Variants in ITGB4 observed in about 807,000 individuals in gnomAD.
ITGB4 encodes the protein integrin subunit beta 4, also known as integrin beta-4.
Under a neutral mutation model 207.6 loss-of-function variants are expected in ITGB4, and 159 were observed. The observed-to-expected ratio is 0.77, with a 90% CI of 0.67 to 0.87. ITGB4 has a LOEUF of 0.87. Ranked by LOEUF, ITGB4 falls within the 40% of genes least tolerant of loss-of-function variation. The probability of loss-of-function intolerance (pLI) is 0.00; values close to 1 mark genes in which losing one functional copy is unlikely to be tolerated. For synonymous variants in ITGB4, 1,020 were observed against 1,062.7 expected (o/e 0.96, Z 0.78); for missense variants, 2,278 against 2,546.8 (o/e 0.89, Z 2.27).
Position 75,739,694 on chromosome 17 carries a change from G to A in ITGB4, c.2243G>A (p.Cys748Tyr). The change falls in exon 19 of 40, where the codon TGC (cysteine) becomes TAC (tyrosine). Residue 748 changes from cysteine (C) to tyrosine (Y), a missense_variant. Physicochemically the swap from Cys to Tyr is radical, Grantham distance 194. Transcript: ENST00000200181. The surrounding 1 kb of genome is among the most constrained non-coding windows in gnomAD (Gnocchi z 5.4). ...CCKACLALLP[C>Y]CNRGHMVGFK... The stretch of plus-strand genomic sequence containing the variant: ...TAGGCCTGCCTGGCACTTCTCCCGT[G>A]CTGCAACCGAGGTATGGGCCTGGCA... 6.2e-7 allele frequency: 1 copy of A among 1,614,126 alleles called. No homozygotes were observed. The highest frequency in any genetic ancestry group is 8.5e-7 in the Non-Finnish European group (1 of 1,180,020).
rs748919999 is a variant in ITGB4 at position 75,757,193 on chromosome 17, A to T, written c.5219-7A>T. 5.0e-6 allele frequency: 8 copies of T among 1,610,612 alleles called. No individual in the cohort carries two copies. Among genetic ancestry groups the T allele is most frequent in the Non-Finnish European group, 6.8e-6 (8 of 1,179,572 alleles). On this transcript the variant is annotated splice_polypyrimidine_tract_variant and splice_region_variant and intron_variant, in intron 38 of 39. Coordinates refer to ENST00000200181, the MANE Select transcript of ITGB4 (RefSeq NM_000213.5). Reference sequence around the variant, plus strand: ...CACCCTCTGACTGGCCTATCTGCCCACCCCAGGACCCTTCCCGCAGCTGGG... The same window carrying T: ...CACCCTCTGACTGGCCTATCTGCCCTCCCCAGGACCCTTCCCGCAGCTGGG...
In ITGB4 at chr17:75,739,955, C is replaced by T; in HGVS notation, c.2330C>T (p.Pro777Leu). 1 of 1,613,252 alleles carries T rather than the reference C, an allele frequency of 6.2e-7. No individual in the cohort carries two copies. Among genetic ancestry groups the T allele is most frequent in the South Asian group, 1.1e-5 (1 of 91,084 alleles). The change falls in exon 20 of 40, where the codon CCC (proline) becomes CTC (leucine). Residue 777 changes from proline (P) to leucine (L), a missense_variant. Transcript: ENST00000200181. The surrounding 1 kb of genome is among the most constrained non-coding windows in gnomAD (Gnocchi z 5.4). Reference sequence around the variant, plus strand: ...ATGGCCTCTGACCACTTGGACACGCCCATGCTGCGCAGCGGGAACCTCAAG... The same window carrying T: ...ATGGCCTCTGACCACTTGGACACGCTCATGCTGCGCAGCGGGAACCTCAAG... ...NLMASDHLDTPMLRSGNLKGR... is the reference protein window; with the variant it reads ...NLMASDHLDTLMLRSGNLKGR...
chr17:75,750,771 A>G lies in ITGB4; in HGVS notation c.3566A>G (p.Tyr1189Cys). 1.9e-6 allele frequency: 3 copies of G among 1,613,584 alleles called. No individual in the cohort carries two copies. The highest frequency in any genetic ancestry group is 2.5e-6 in the Non-Finnish European group (3 of 1,180,016). ...GTGGAGCTCACCAACCTGTACCCGT[A>G]TTGCGACTATGAGATGAAGGTGTGC... ...PSVELTNLYP[Y>C]CDYEMKVCAY... Residue 1189 changes from tyrosine (Y) to cysteine (C), a missense_variant, in exon 29 of 40, where the codon TAT becomes TGT. Physicochemically the swap from Tyr to Cys is radical, Grantham distance 194 (BLOSUM62 -2). Transcript: ENST00000200181. This position sits in a 1 kb window ranked among gnomAD's most constrained non-coding sequence, Gnocchi z 5.5.
In ITGB4 at chr17:75,732,380, G is replaced by A. The variant is rs76945691; in HGVS notation, c.1454+141G>A. 6.6e-4 allele frequency: 513 copies of A among 782,500 alleles called. 1 individual carries two copies. The African/African-American group carries it at 7.5e-3, about 11-fold the overall frequency. 48.5% of individuals were successfully genotyped at this position (782,500 alleles called of 1,614,324 possible). On this transcript the variant is annotated intron_variant, in intron 12 of 39. Coordinates refer to ENST00000200181, the MANE Select transcript of ITGB4 (RefSeq NM_000213.5). The surrounding 1 kb of genome is among the most constrained non-coding windows in gnomAD (Gnocchi z 5.3). ...GGCAATCAAAGAAACGGCTAAGGGC[G>A]GGGCACACCCAGTTGTTGGTCAAAC... is the stretch of plus-strand genomic sequence containing the variant.
chr17:75,739,721 CGCAGGGGCA>C lies in ITGB4; in HGVS notation c.2254+25_2254+33del, dbSNP rs1287778197. 6.2e-7 allele frequency: 1 copy of C among 1,614,060 alleles called. No homozygotes were observed. Among genetic ancestry groups the C allele is most frequent in the Non-Finnish European group, 8.5e-7 (1 of 1,179,994 alleles). ...TGCAACCGAGGTATGGGCCTGGCAT[CGCAGGGGCA>C]GCAGGGGCTCTGACTGCTCTTTCTC... On this transcript the variant is annotated intron_variant, in intron 19 of 39. Transcript: ENST00000200181. The surrounding 1 kb of genome is among the most constrained non-coding windows in gnomAD (Gnocchi z 5.4).
At position 75,752,223 on chromosome 17, in the gene ITGB4, G is replaced by A; in HGVS notation, c.3843G>A (p.Arg1281=). ...TGCTGGTTGACAACCCTAAGAACCG[G>A]ATGCTGCTTATTGAGAACCTTCGGG... ...KKVLVDNPKN[R]MLLIENLRES... Residue 1281 remains arginine, a synonymous_variant, in exon 31 of 40, where the codon CGG becomes CGA. Transcript: ENST00000200181. 1.2e-6 allele frequency: 2 copies of A among 1,613,926 alleles called. No homozygotes were observed. Among genetic ancestry groups the A allele is most frequent in the Non-Finnish European group, 1.7e-6 (2 of 1,180,026 alleles).
At chr17:75,751,996 C>G in intron 30 of ITGB4, 178 bp from the exon 31 acceptor site, 1 of 763,962 alleles carries the variant, frequency 1.3e-6, no homozygotes, top group Admixed American at 1.8e-5. Flanking sequence ...TATGTCCACG[C>G]CAGTCATGCT....
intron 12 of ITGB4, 46 bp from the exon 13 acceptor site, chr17:75,733,444 G>A: frequency 6.5e-7 from 1 of 1,530,720 alleles, no homozygotes; most frequent in Non-Finnish European, 9.0e-7. Context: ...AAAAGCCCCA[G>A]CTTTCCTCCT....
At chr17:75,755,035 CTTGTT>C (rs754712122) in intron 34 of ITGB4, 100 of 1,588,920 alleles carry the variant, frequency 6.3e-5, no homozygotes, top group Non-Finnish European at 8.1e-5. Flanking sequence ...TCCTCTCACT[CTTGTT>C]TTGTCCTGCC....
intron 26 of ITGB4, among the ~76,000 whole-genome samples, chr17:75,747,868 T>C (rs561003907): frequency 1.3e-5 from 2 of 152,340 alleles, no homozygotes; most frequent in African/African-American, 4.8e-5. Flanking sequence ...GGCAGCTCCC[T>C]GGTTTGTTTT....
rs61735288 is a variant in ITGB4 at position 75,752,477 on chromosome 17, C to T, written c.4008C>T (p.Asp1336=). 5,333 of 1,613,638 alleles carry T rather than the reference C, an allele frequency of 3.3e-3. 10 individuals carry two copies. Among genetic ancestry groups the T allele is most frequent in the Non-Finnish European group, 3.7e-3 (4,365 of 1,180,020 alleles). ...TCATCCCTGACATCCCTATCGTGGA[C>T]GCCCAGAGCGGGGAGGACTACGACA... ...IPIIPDIPIV[D]AQSGEDYDSF... The change falls in exon 32 of 40, where the codon GAC becomes GAT. Residue 1336 remains aspartate (D), a synonymous_variant. Coordinates refer to ENST00000200181, the MANE Select transcript of ITGB4 (RefSeq NM_000213.5).
Position 75,754,583 on chromosome 17 carries a change from G to A in ITGB4, c.4326G>A (p.Leu1442=). The stretch of plus-strand genomic sequence containing the variant: ...CCTGCTCTCCCCCTGCAGAGCACCT[G>A]GTGAATGGCCGGATGGACTTTGCCT... ...SATPGPPGEH[L]VNGRMDFAFP... Residue 1442 remains leucine (L), a synonymous_variant, in exon 34 of 40, where the codon CTG becomes CTA. Transcript: ENST00000200181. 6.2e-7 allele frequency: 1 copy of A among 1,613,696 alleles called. No individual in the cohort carries two copies. Among genetic ancestry groups the A allele is most frequent in the Non-Finnish European group, 8.5e-7 (1 of 1,179,980 alleles).
chr17:75,724,843 C>T, intron 2 of ITGB4, 61 bp downstream of exon 2: 1 of 1,400,224 alleles, frequency 7.1e-7, no homozygotes, highest in East Asian at 2.3e-5. Flanking sequence ...CAGGCATTGC[C>T]CTTGCACGGG....
At position 75,731,903 on chromosome 17, in the gene ITGB4, T is replaced by C; in HGVS notation, c.1307T>C (p.Leu436Pro). ...LPEDQKGNIH[L>P]KPSFSDGLKM... ...GAGGACCAGAAGGGCAACATCCATC[T>C]GAAACCTTCCTTCTCCGACGGCCTC... The change falls in exon 11 of 40, where the codon CTG (leucine) becomes CCG (proline). Residue 436 changes from leucine (L) to proline (P), a missense_variant. Leu to Pro is a moderately conservative substitution (Grantham distance 98). Transcript: ENST00000200181. The surrounding 1 kb of genome is among the most constrained non-coding windows in gnomAD (Gnocchi z 6.8). 1 of 1,614,054 alleles carries C rather than the reference T, an allele frequency of 6.2e-7. No individual in the cohort carries two copies. Among genetic ancestry groups the C allele is most frequent in the Middle Eastern group, 1.6e-4 (1 of 6,062 alleles).
rs1265742417 is a variant in ITGB4, at chr17:75,737,405, C to T, written c.2074C>T (p.Pro692Ser). 1.3e-6 allele frequency: 2 copies of T among 1,562,212 alleles called. No homozygotes were observed. Among genetic ancestry groups the T allele is most frequent in the Non-Finnish European group, 1.7e-6 (2 of 1,153,248 alleles). The part of the protein sequence containing the change: ...YSYTMEGDGA[P>S]GPNSTVLVHK... ...CTACACCATGGAAGGTGACGGCGCC[C>T]CTGGGCCCAACAGCACTGTCCTGGT... is the stretch of plus-strand genomic sequence containing the variant. The change falls in exon 17 of 40, where the codon CCT (proline) becomes TCT (serine). Residue 692 changes from proline to serine, a missense_variant. Physicochemically the swap from Pro to Ser is moderately conservative, Grantham distance 74. Transcript: ENST00000200181.
Position 75,731,505 on chromosome 17 carries a change from C to A in ITGB4, c.1215+137C>A, listed in dbSNP as rs370373538. The A allele has an allele frequency of 2.3e-5, 21 of 931,602 alleles. No individual in the cohort carries two copies. The East Asian group carries it at 4.7e-4, about 21-fold the overall frequency. The allele number at this position is 931,602 out of a possible 1,614,324, so 57.7% of individuals were successfully genotyped here. On this transcript the variant is annotated intron_variant, in intron 10 of 39. Coordinates refer to ENST00000200181, the MANE Select transcript of ITGB4 (RefSeq NM_000213.5). This position sits in a 1 kb window ranked among gnomAD's most constrained non-coding sequence, Gnocchi z 6.8. ...GTGCAGATCCCTGGGCCTAGCCGCT[C>A]GGATGAGCCTAGGTTGCTCCTCTGC...
rs779693363 is a variant in ITGB4, at chr17:75,754,810, C to G, written c.4553C>G (p.Ser1518Cys). The change falls in exon 34 of 40, where the codon TCC (serine) becomes TGC (cysteine). Residue 1518 changes from serine to cysteine, a missense_variant. By Grantham distance (112) the Ser-to-Cys change is moderately radical. Coordinates refer to ENST00000200181, the MANE Select transcript of ITGB4 (RefSeq NM_000213.5). ...RDYSTLTSVS[S>C]HDSRLTAGVP... ...TACTCCACCCTCACCTCCGTCTCCT[C>G]CCACGGTGAGTGACCTCAGCCAACC... 5 of 1,614,084 alleles carry G rather than the reference C, an allele frequency of 3.1e-6. No homozygotes were observed. In the South Asian group the frequency reaches 5.5e-5, roughly 18 times the overall value.
chr17:75,756,246 A>T (rs1395027825), intron 35 of ITGB4, among the ~76,000 whole-genome samples, 183 bp from the exon 36 acceptor site: 1 of 151,930 alleles, frequency 6.6e-6, no homozygotes. Flanking sequence ...TACAGGCTCC[A>T]CTCTTGTATA....
At chr17:75,745,509 G>A (rs1461639858) in intron 26 of ITGB4, among the ~76,000 whole-genome samples, 2 of 152,072 alleles carry the variant, frequency 1.3e-5, no homozygotes, top group Non-Finnish European at 2.9e-5. Context: ...CACAGTGGGA[G>A]GATCACTTGA....
Sources: allele counts gnomAD v4.1 joint callset (sites outside exome capture counted in the v4.1 genomes callset), GRCh38; gene constraint gnomAD v4.1.1; non-coding constraint Gnocchi (gnomAD v3.1); transcripts MANE v1.5; gene names NCBI Gene and HGNC (gene_info 2026-07-23, HGNC 2026-07-21).